The following RNF175 variants were observed in gnomAD, a reference collection of about 807,000 sequenced individuals.
RNF175 encodes the protein ring finger protein 175.
In RNF175, 38 loss-of-function variants were observed where a neutral mutation model predicts 50.0. That is an observed-to-expected ratio of 0.76 (90% CI 0.59 to 1.00). The LOEUF is 1.00. Ranked by LOEUF, RNF175 falls within the 50% of genes least tolerant of loss-of-function variation. The pLI, the probability that RNF175 is intolerant of heterozygous loss-of-function variation, is 0.00. For missense variants in RNF175, 388 were observed against 409.6 expected, an observed-to-expected ratio of 0.95 and a Z score of 0.46; for synonymous variants, 155 against 146.1, an observed-to-expected ratio of 1.06 and a Z score of -0.44.
At chr4:153,722,560 C>T (rs900923344) in intron 5 of RNF175, among the ~76,000 whole-genome samples, 4 of 146,580 alleles carry the variant, frequency 2.7e-5, no homozygotes, top group African/African-American at 9.7e-5. Context: ...CCACCTCTGC[C>T]TCCCAAGTAG....
In RNF175 at chr4:153,722,809, A is replaced by G. The variant is rs140493486; in HGVS notation, c.509+542T>C. Among the ~76,000 whole-genome samples the G allele has an allele frequency of 4.4e-3, 662 of 151,844 alleles. 6 individuals carry two copies. Among genetic ancestry groups the G allele is most frequent in the African/African-American group, 0.014 (582 of 41,458 alleles). ...ACAAAAAACAGGTGAAATTAATCTC[A>G]CCAATATATTTAAATACTATCATTT... On this transcript the variant is annotated intron_variant, in intron 5 of 8. Coordinates refer to ENST00000347063, the MANE Select transcript of RNF175 (RefSeq NM_173662.4).
intron 1 of RNF175, among the ~76,000 whole-genome samples, chr4:153,755,574 T>TAA (rs11454087): frequency 3.0e-4 from 44 of 148,408 alleles, no homozygotes; most frequent in South Asian, 1.5e-3. Context: ...AGAAAGAATT[T>TAA]AAAAAAAAAA....
At chr4:153,747,276 A>G (rs1170474923) in intron 3 of RNF175, among the ~76,000 whole-genome samples, 4 of 152,086 alleles carry the variant, frequency 2.6e-5, no homozygotes, top group African/African-American at 7.2e-5. Context: ...TCCAAATTTT[A>G]TATTGTTTCT....
chr4:153,725,058 CA>C (rs1170810061), intron 4 of RNF175, among the ~76,000 whole-genome samples: 6 of 39,586 alleles, frequency 1.5e-4, no homozygotes, highest in African/African-American at 6.9e-4. Context: ...GGGGAGCGGG[CA>C]GGGGTGAGCT....
intron 3 of RNF175, among the ~76,000 whole-genome samples, chr4:153,729,204 A>G (rs1738893707): frequency 6.6e-6 from 1 of 152,244 alleles, no homozygotes. Flanking sequence ...TCTCGCATTC[A>G]GACTAAACAC....
intron 5 of RNF175, 177 bp downstream of exon 5, chr4:153,723,174 T>C (rs1738455934): frequency 7.4e-6 from 3 of 405,714 alleles, no homozygotes; most frequent in Non-Finnish European, 1.3e-5. Flanking sequence ...TGTAGGGTGC[T>C]TCTTTCTTCC....
chr4:153,730,818 A>C (rs1738993590), intron 3 of RNF175, among the ~76,000 whole-genome samples: 1 of 152,222 alleles, frequency 6.6e-6, no homozygotes, highest in African/African-American at 2.4e-5. Flanking sequence ...GTTACAATCC[A>C]TGATAGTTTG....
chr4:153,758,153 G>A (rs531963605), intron 1 of RNF175, among the ~76,000 whole-genome samples: 2 of 152,326 alleles, frequency 1.3e-5, no homozygotes, highest in South Asian at 4.1e-4. Flanking sequence ...CCAAAGGGAA[G>A]CTATCAGATA....
intron 2 of RNF175, among the ~76,000 whole-genome samples, chr4:153,749,689 C>T (rs1740184203): frequency 6.6e-6 from 1 of 152,166 alleles, no homozygotes; most frequent in Non-Finnish European, 1.5e-5. Context: ...CGTTCTTGAC[C>T]TTGTCTGTAA....
chr4:153,760,018 G>T lies in RNF175; in HGVS notation c.-156C>A. 1 of 418,926 alleles carries T rather than the reference G, an allele frequency of 2.4e-6. No homozygotes were observed. The highest frequency in any genetic ancestry group is 4.1e-6 in the Non-Finnish European group (1 of 242,372). 26.0% of individuals were successfully genotyped at this position (418,926 alleles called of 1,614,324 possible). On this transcript the variant is annotated 5_prime_UTR_variant, in exon 1 of 9. Coordinates refer to ENST00000347063, the MANE Select transcript of RNF175 (RefSeq NM_173662.4). Reference sequence around the variant, plus strand: ...CGGCCCTGCCCGGGTTGTGCGGGGCGGGAGATGGGAGCCTCCCGGCACGCC... The same window carrying T: ...CGGCCCTGCCCGGGTTGTGCGGGGCTGGAGATGGGAGCCTCCCGGCACGCC...
intron 7 of RNF175, chr4:153,713,853 G>A (rs1020377722): frequency 1.3e-5 from 2 of 152,152 alleles, no homozygotes; most frequent in Non-Finnish European, 2.9e-5. Context: ...TTCTACAGAG[G>A]TATAGAATTC....
In RNF175 at chr4:153,732,065, C is replaced by T. The variant is rs1380547442; in HGVS notation, c.247-3704G>A. On this transcript the variant is annotated intron_variant, in intron 3 of 8. Transcript: ENST00000347063. ...TGGGCAACATGGTGAAACCCCATCT[C>T]TACTAAAAATACAAAAATTAGCTGG... Among the ~76,000 whole-genome samples, 4 of 152,030 alleles carry T rather than the reference C, an allele frequency of 2.6e-5. No homozygotes were observed. In the East Asian group the frequency reaches 5.8e-4, roughly 22 times the overall value.
At chr4:153,720,616 G>A (rs2127103642) in intron 5 of RNF175, 1 of 242,876 alleles carries the variant, frequency 4.1e-6, no homozygotes, top group Non-Finnish European at 8.3e-6. Flanking sequence ...GGCCTCAGCA[G>A]CTTGTAACAG....
chr4:153,750,701 G>A (rs1056788308), intron 2 of RNF175, among the ~76,000 whole-genome samples: 7 of 151,892 alleles, frequency 4.6e-5, no homozygotes, highest in African/African-American at 9.7e-5. Flanking sequence ...TGAAGATATG[G>A]GAAGAAAAAT....
Position 153,710,329 on chromosome 4 carries a change from A to G in RNF175, c.*40T>C. 1 of 1,487,002 alleles carries G rather than the reference A, an allele frequency of 6.7e-7. No homozygotes were observed. The allele number at this position is 1,487,002 out of a possible 1,614,324, so 92.1% of individuals were successfully genotyped here. A position where few individuals can be genotyped will look rare whatever the true frequency, so the allele number is the denominator to read the frequency against. On this transcript the variant is annotated 3_prime_UTR_variant, in exon 9 of 9. Coordinates refer to ENST00000347063, the MANE Select transcript of RNF175 (RefSeq NM_173662.4). ...ATTAATATTAAATGTTGGACCAAGG[A>G]TTTCAACCATGCAGTATGTTGCTTC... is the stretch of plus-strand genomic sequence containing the variant.
Position 153,718,222 on chromosome 4 carries a change from G to T in RNF175, c.630+1962C>A, listed in dbSNP as rs895178711. ...CTTTCCTAAGGAGTTTTTTTTGTTT[G>T]TTTGTTTGTTTGTTTGTTTTTTTTT... On this transcript the variant is annotated intron_variant, in intron 6 of 8. Transcript: ENST00000347063. 7.5e-3 allele frequency among the ~76,000 whole-genome samples: 281 copies of T among 37,496 alleles called. 2 individuals carry two copies. Among genetic ancestry groups the T allele is most frequent in the Non-Finnish European group, 0.011 (161 of 14,120 alleles). 24.6% of individuals were successfully genotyped at this position (37,496 alleles called of 152,430 possible).
At chr4:153,756,516 C>T (rs114665594) in intron 1 of RNF175, among the ~76,000 whole-genome samples, 2,620 of 152,230 alleles carry the variant, frequency 0.017, 68 homozygotes, top group African/African-American at 0.054. Context: ...CCTGTACCTC[C>T]AACCCACTAC....
intron 3 of RNF175, among the ~76,000 whole-genome samples, chr4:153,741,560 C>A (rs1482020630): frequency 6.6e-6 from 1 of 152,198 alleles, no homozygotes; most frequent in African/African-American, 2.4e-5. Context: ...TGATTTCCTG[C>A]ATTCATCTGT....
intron 6 of RNF175, among the ~76,000 whole-genome samples, chr4:153,718,534 C>T (rs1738131250): frequency 1.3e-5 from 2 of 152,004 alleles, no homozygotes; most frequent in Non-Finnish European, 2.9e-5. Flanking sequence ...TGAGAAGTTT[C>T]CCAAAAGCTG....
Sources: allele counts gnomAD v4.1 joint callset (sites outside exome capture counted in the v4.1 genomes callset), GRCh38; gene constraint gnomAD v4.1.1; transcripts MANE v1.5; gene names NCBI Gene and HGNC (gene_info 2026-07-23, HGNC 2026-07-21).